Variants in RAP1A observed in about 807,000 individuals in gnomAD.
RAP1A encodes the protein RAP1A, member of RAS oncogene family.
Under a neutral mutation model 26.4 loss-of-function variants are expected in RAP1A, and 6 were observed. The observed-to-expected ratio is 0.23, with a 90% CI of 0.12 to 0.45. The LOEUF (loss-of-function observed/expected upper bound fraction) is 0.45, where lower values mean the gene tolerates loss of function less well. RAP1A is among the 20% of genes least tolerant of loss of function. The pLI, the probability that RAP1A is intolerant of heterozygous loss-of-function variation, is 0.99. For missense variants in RAP1A, 121 were observed against 217.2 expected (o/e 0.56, Z 2.78); for synonymous variants, 73 against 79.4 (o/e 0.92, Z 0.43).
At chr1:111,555,120 C>G (rs922778774) in intron 1 of RAP1A, among the ~76,000 whole-genome samples, 2 of 152,006 alleles carry the variant, frequency 1.3e-5, no homozygotes, top group Non-Finnish European at 2.9e-5. Context: ...AATTCCAACA[C>G]TCTGGGAGGC....
At chr1:111,678,240 G>A (rs1661186169) in intron 1 of RAP1A, among the ~76,000 whole-genome samples, 1 of 152,098 alleles carries the variant, frequency 6.6e-6, no homozygotes, top group Non-Finnish European at 1.5e-5. Context: ...AATAATATGG[G>A]CAAATACTAA....
chr1:111,641,634 C>CGTGTGT (rs138608546), intron 1 of RAP1A, among the ~76,000 whole-genome samples: 2 of 151,082 alleles, frequency 1.3e-5, no homozygotes, highest in Non-Finnish European at 3.0e-5. Flanking sequence ...GGGGTGTGTG[C>CGTGTGT]GTGTGTGTGT....
At chr1:111,641,647 G>T (rs979142291) in intron 1 of RAP1A, among the ~76,000 whole-genome samples, 11 of 152,104 alleles carry the variant, frequency 7.2e-5, no homozygotes, top group African/African-American at 2.7e-4. Flanking sequence ...GTGTGTGTGT[G>T]TGCGCGCGCA....
intron 1 of RAP1A, among the ~76,000 whole-genome samples, chr1:111,676,050 G>A (rs1008478850): frequency 2.6e-5 from 4 of 152,156 alleles, no homozygotes; most frequent in Non-Finnish European, 5.9e-5. Context: ...CCCTTGACAC[G>A]TGGGGATTAT....
chr1:111,553,397 C>G (rs889633356), intron 1 of RAP1A, among the ~76,000 whole-genome samples: 3 of 152,200 alleles, frequency 2.0e-5, no homozygotes, highest in African/African-American at 7.2e-5. Context: ...GACATTCATG[C>G]TGCCACTATG....
chr1:111,587,767 C>T (rs1027096881), intron 1 of RAP1A, among the ~76,000 whole-genome samples: 1 of 152,098 alleles, frequency 6.6e-6, no homozygotes, highest in East Asian at 1.9e-4. Flanking sequence ...CAAAATTGTT[C>T]CCTAAAGTCA....
At chr1:111,709,660 A>G (rs536721138) in intron 7 of RAP1A, among the ~76,000 whole-genome samples, 94 of 152,340 alleles carry the variant, frequency 6.2e-4, no homozygotes, top group African/African-American at 2.2e-3. Context: ...ATACCCGTAT[A>G]TAACAACAAG....
chr1:111,658,628 A>T (rs750361076), intron 1 of RAP1A, among the ~76,000 whole-genome samples: 38 of 152,216 alleles, frequency 2.5e-4, no homozygotes, highest in Non-Finnish European at 5.0e-4. Flanking sequence ...AGATGTCACT[A>T]GGCAATAGGA....
At position 111,663,807 on chromosome 1, in the gene RAP1A, A is replaced by T. The variant is rs2477429; in HGVS notation, c.-27-27527A>T. ...CTGAGCACTAGGAATGGCATCTTTT[A>T]TCTGCATTTTGAAGGGAAGATAATG... On this transcript the variant is annotated intron_variant, in intron 1 of 7. Transcript: ENST00000369709. Among the ~76,000 whole-genome samples the T allele has an allele frequency of 2.0e-5, 3 of 151,974 alleles. No homozygotes were observed. In the South Asian group the frequency reaches 6.2e-4, roughly 32 times the overall value.
At chr1:111,649,625 A>C (rs753615999) in intron 1 of RAP1A, 3 of 200,142 alleles carry the variant, frequency 1.5e-5, no homozygotes, top group Non-Finnish European at 3.2e-5. Context: ...TCATTGCCTA[A>C]TATCCCTTTC....
At chr1:111,622,439 C>T (rs1659245068) in intron 1 of RAP1A, among the ~76,000 whole-genome samples, 1 of 152,216 alleles carries the variant, frequency 6.6e-6, no homozygotes, top group South Asian at 2.1e-4. Context: ...CACTTAATGT[C>T]CTCTCTGCCT....
intron 1 of RAP1A, among the ~76,000 whole-genome samples, chr1:111,681,337 G>T (rs1338082585): frequency 2.6e-5 from 4 of 152,174 alleles, no homozygotes; most frequent in African/African-American, 9.7e-5. Flanking sequence ...AACAAAATTG[G>T]ATGGAAAATG....
intron 1 of RAP1A, among the ~76,000 whole-genome samples, chr1:111,580,092 G>A (rs1223739034): frequency 2.0e-5 from 3 of 152,216 alleles, no homozygotes; most frequent in Non-Finnish European, 2.9e-5. Context: ...CACTGCTCCC[G>A]GCTGCCTGTA....
At chr1:111,549,352 T>C (rs1234677958) in intron 1 of RAP1A, among the ~76,000 whole-genome samples, 1 of 150,966 alleles carries the variant, frequency 6.6e-6, no homozygotes, top group Non-Finnish European at 1.5e-5. Context: ...TTTTCCCCCT[T>C]TTAAAACATG....
intron 1 of RAP1A, among the ~76,000 whole-genome samples, chr1:111,685,897 T>C (rs1026278482): frequency 6.6e-6 from 1 of 152,104 alleles, no homozygotes; most frequent in African/African-American, 2.4e-5. Context: ...AATGATAGAC[T>C]GGATAAAGAA....
At chr1:111,660,556 C>T (rs977873513) in intron 1 of RAP1A, among the ~76,000 whole-genome samples, 9 of 152,178 alleles carry the variant, frequency 5.9e-5, no homozygotes, top group African/African-American at 2.2e-4. Flanking sequence ...TGCACTGCTA[C>T]TCCTTTGGTC....
intron 1 of RAP1A, among the ~76,000 whole-genome samples, chr1:111,554,990 G>T (rs1039343358): frequency 7.9e-5 from 12 of 151,916 alleles, no homozygotes; most frequent in Non-Finnish European, 1.6e-4. Flanking sequence ...AATGGCTACA[G>T]AATATTTTTT....
intron 1 of RAP1A, among the ~76,000 whole-genome samples, chr1:111,580,816 T>C (rs1010446561): frequency 2.0e-5 from 3 of 151,020 alleles, no homozygotes; most frequent in Non-Finnish European, 3.0e-5. Flanking sequence ...CACTGCACTC[T>C]AGCCTGGGCG....
At chr1:111,669,045 A>G (rs1009315724) in intron 1 of RAP1A, among the ~76,000 whole-genome samples, 19 of 149,026 alleles carry the variant, frequency 1.3e-4, no homozygotes, top group Non-Finnish European at 2.4e-4. Flanking sequence ...AAAAAAAAAA[A>G]AAAGAAAGAA....
Sources: allele counts gnomAD v4.1 joint callset (sites outside exome capture counted in the v4.1 genomes callset), GRCh38; gene constraint gnomAD v4.1.1; transcripts MANE v1.5; gene names NCBI Gene and HGNC (gene_info 2026-07-23, HGNC 2026-07-21).